The following ADGRE1 variants were observed in gnomAD, a reference collection of about 807,000 sequenced individuals.
ADGRE1 encodes the protein adhesion G protein-coupled receptor E1.
A neutral mutation model predicts 102.7 loss-of-function variants in ADGRE1; 82 were observed. That is an observed-to-expected ratio of 0.80 (90% CI 0.67 to 0.96). The LOEUF is 0.96. Among genes scored for constraint, ADGRE1 ranks in the 40% least tolerant of loss-of-function variants. ADGRE1 has a pLI of 0.00. For missense variants in ADGRE1, 1,032 were observed against 1,085.3 expected (o/e 0.95, Z 0.69); for synonymous variants, 398 against 399.6 (o/e 1.00, Z 0.05).
rs745511259 is a variant in ADGRE1, at chr19:6,903,801, AC to A, written c.662-5del. 1.9e-6 allele frequency: 3 copies of A among 1,613,898 alleles called. No homozygotes were observed. The South Asian group carries it at 3.3e-5, about 18-fold the overall frequency. On this transcript the variant is annotated splice_polypyrimidine_tract_variant and splice_region_variant and intron_variant, in intron 6 of 20. Transcript: ENST00000312053. ...CAACTTGGCTCCACACCCATTCTGTACCCCACAGATATTGATGAATGCACTG... is the reference window on the plus strand; with the variant it reads ...CAACTTGGCTCCACACCCATTCTGTACCCACAGATATTGATGAATGCACTG...
chr19:6,940,110 T>G lies in ADGRE1; in HGVS notation c.*81T>G. The G allele has an allele frequency of 7.4e-6, 11 of 1,495,858 alleles. No individual in the cohort carries two copies. Among genetic ancestry groups the G allele is most frequent in the East Asian group, 2.3e-5 (1 of 44,082 alleles). The allele number at this position is 1,495,858 out of a possible 1,614,324, so 92.7% of individuals were successfully genotyped here. On this transcript the variant is annotated 3_prime_UTR_variant, in exon 21 of 21. Transcript: ENST00000312053. Reference sequence around the variant, plus strand: ...CTGCAGGAGCCTACCCTGAAATCTCTTCTCAGCTTAACATGGAAATGAGGA... The same window carrying G: ...CTGCAGGAGCCTACCCTGAAATCTCGTCTCAGCTTAACATGGAAATGAGGA...
In ADGRE1 at chr19:6,897,468, T is replaced by G. The variant is rs745927736; in HGVS notation, c.435T>G (p.His145Gln). Reference protein sequence around the residue: ...ECLTSSVCPEHSDCVNSMGSY... With the variant: ...ECLTSSVCPEQSDCVNSMGSY... ...TCACCAGCAGCGTCTGCCCTGAGCA[T>G]TCTGACTGTGTCAACTCCATGGGAA... Residue 145 changes from histidine (H) to glutamine (Q), a missense_variant, in exon 5 of 21, where the codon CAT (histidine) becomes CAG (glutamine). Physicochemically the swap from His to Gln is conservative, Grantham distance 24. Coordinates refer to ENST00000312053, the MANE Select transcript of ADGRE1 (RefSeq NM_001974.5). The G allele has an allele frequency of 4.4e-6, 7 of 1,600,860 alleles. No individual in the cohort carries two copies. The East Asian group carries it at 1.6e-4, about 36-fold the overall frequency.
chr19:6,895,456 G>C (rs916311282), intron 2 of ADGRE1: 1 of 152,240 alleles, frequency 6.6e-6, no homozygotes, highest in African/African-American at 2.4e-5. Flanking sequence ...GATCTGCCTT[G>C]TCCCGAAATT....
intron 11 of ADGRE1, 113 bp downstream of exon 11, chr19:6,913,943 A>T: frequency 8.2e-7 from 1 of 1,212,286 alleles, no homozygotes; most frequent in Non-Finnish European, 1.1e-6. Context: ...ACTGTTTAAA[A>T]ACTTTGAATT....
At chr19:6,904,327 C>A in intron 8 of ADGRE1, 145 bp downstream of exon 8, 1 of 1,116,966 alleles carries the variant, frequency 9.0e-7, no homozygotes, top group Non-Finnish European at 1.2e-6. Flanking sequence ...TCCATTTACT[C>A]TTTCAACAAA....
intron 18 of ADGRE1, among the ~76,000 whole-genome samples, chr19:6,935,846 T>C (rs1029053507): frequency 2.6e-5 from 4 of 152,216 alleles, no homozygotes; most frequent in Non-Finnish European, 5.9e-5. Flanking sequence ...ACTTGCAACA[T>C]TGTCAACACT....
chr19:6,939,909 T>C, intron 20 of ADGRE1, 115 bp from the exon 21 acceptor site: 1 of 1,196,782 alleles, frequency 8.4e-7, no homozygotes, highest in South Asian at 1.3e-5. Context: ...GTGTTTATCC[T>C]TCTAGTCTTT....
At chr19:6,899,685 A>C (rs1973695558) in intron 5 of ADGRE1, among the ~76,000 whole-genome samples, 1 of 151,892 alleles carries the variant, frequency 6.6e-6, no homozygotes, top group South Asian at 2.1e-4. Flanking sequence ...GTTTCAAAAA[A>C]AAAAAATACC....
rs546560332 is a variant in ADGRE1, at chr19:6,939,836, G to A, written c.2656-188G>A. 4.6e-5 allele frequency among the ~76,000 whole-genome samples: 7 copies of A among 152,282 alleles called. No individual in the cohort carries two copies. The South Asian group carries it at 1.4e-3, about 32-fold the overall frequency. On this transcript the variant is annotated intron_variant, in intron 20 of 20. Transcript: ENST00000312053. Reference sequence around the variant, plus strand: ...GCGCTGTCAATGCTGAGGAGGTTGAGAATGGCTTTTGGGTTTTCCAACTCT... The same window carrying A: ...GCGCTGTCAATGCTGAGGAGGTTGAAAATGGCTTTTGGGTTTTCCAACTCT...
intron 11 of ADGRE1, 126 bp from the exon 12 acceptor site, chr19:6,916,123 T>A: frequency 2.9e-6 from 3 of 1,034,638 alleles, no homozygotes; most frequent in Non-Finnish European, 4.2e-6. Context: ...TTTCCTATGA[T>A]GAATTGAACT....
intron 11 of ADGRE1, 91 bp from the exon 12 acceptor site, chr19:6,916,158 A>G (rs1054962158): frequency 2.8e-6 from 4 of 1,436,706 alleles, no homozygotes; most frequent in Non-Finnish European, 3.8e-6. Flanking sequence ...TTTGCTCGCC[A>G]TGATGGAGGT....
At chr19:6,906,176 A>T (rs1248032996) in intron 8 of ADGRE1, among the ~76,000 whole-genome samples, 1 of 152,222 alleles carries the variant, frequency 6.6e-6, no homozygotes, top group Non-Finnish European at 1.5e-5. Context: ...AAAGACATAC[A>T]TCCACAATCA....
At chr19:6,916,108 A>G in intron 11 of ADGRE1, 141 bp from the exon 12 acceptor site, 1 of 863,908 alleles carries the variant, frequency 1.2e-6, no homozygotes, top group Non-Finnish European at 1.8e-6. Flanking sequence ...ATGGGCCTCA[A>G]GATCTTTCCT....
chr19:6,926,352 C>T lies in ADGRE1; in HGVS notation c.1987-14C>T, dbSNP rs779094705. The T allele has an allele frequency of 1.1e-5, 18 of 1,612,908 alleles. No homozygotes were observed. The African/African-American group carries it at 2.4e-4, about 22-fold the overall frequency. Reference sequence around the variant, plus strand: ...GGGGTGGAGGATTCTGATGCGCATGCTTCTCCCCTCCAGATGGGCTGCGCC... The same window carrying T: ...GGGGTGGAGGATTCTGATGCGCATGTTTCTCCCCTCCAGATGGGCTGCGCC... On this transcript the variant is annotated splice_polypyrimidine_tract_variant and intron_variant, in intron 15 of 20. Coordinates refer to ENST00000312053, the MANE Select transcript of ADGRE1 (RefSeq NM_001974.5).
chr19:6,905,898 A>T (rs1351451637), intron 8 of ADGRE1, among the ~76,000 whole-genome samples: 1 of 152,102 alleles, frequency 6.6e-6, no homozygotes, highest in East Asian at 1.9e-4. Context: ...ATCTCCTTGT[A>T]TCCTCCTTAG....
chr19:6,929,521 AT>A (rs71177130), intron 17 of ADGRE1, among the ~76,000 whole-genome samples: 79,853 of 149,752 alleles, frequency 0.53, 23,028 homozygotes, highest in African/African-American at 0.76. Context: ...CGGAGCTGCC[AT>A]TTTTTTTTTC....
At chr19:6,936,601 C>T (rs2453109) in intron 18 of ADGRE1, among the ~76,000 whole-genome samples, 103,572 of 150,194 alleles carry the variant, frequency 0.69, 36,074 homozygotes, top group Non-Finnish European at 0.74. Context: ...GGGCAGTGAC[C>T]GCCACTATCT....
At chr19:6,935,197 G>A (rs968215873) in intron 18 of ADGRE1, 119 bp downstream of exon 18, 9 of 584,530 alleles carry the variant, frequency 1.5e-5, no homozygotes, top group Non-Finnish European at 1.9e-5. Context: ...GATGAGGTCT[G>A]TTTAGCATAT....
chr19:6,920,035 A>G (rs1310193969), intron 13 of ADGRE1, among the ~76,000 whole-genome samples: 1 of 152,168 alleles, frequency 6.6e-6, no homozygotes, highest in Non-Finnish European at 1.5e-5. Context: ...GCAAGGAGAC[A>G]AGAGTCTGGC....
Sources: allele counts gnomAD v4.1 joint callset (sites outside exome capture counted in the v4.1 genomes callset), GRCh38; gene constraint gnomAD v4.1.1; transcripts MANE v1.5; gene names NCBI Gene and HGNC (gene_info 2026-07-23, HGNC 2026-07-21).